Variants in CEMIP observed in about 807,000 individuals in gnomAD.
CEMIP encodes the protein cell migration-inducing and hyaluronan-binding protein.
In CEMIP, 105 loss-of-function variants were observed where a neutral mutation model predicts 156.9. That is an observed-to-expected ratio of 0.67 (90% CI 0.57 to 0.79). The LOEUF is 0.79. CEMIP is among the 30% of genes least tolerant of loss of function. The pLI, the probability that CEMIP is intolerant of heterozygous loss-of-function variation, is 0.00. For synonymous variants in CEMIP, 676 were observed against 668.4 expected (o/e 1.01, Z -0.17); for missense variants, 1,457 against 1,769.4 (o/e 0.82, Z 3.17).
At chr15:80,915,551 A>G (rs12904559) in intron 14 of CEMIP, among the ~76,000 whole-genome samples, 111,303 of 152,124 alleles carry the variant, frequency 0.73, 43,984 homozygotes, top group Non-Finnish European at 0.87. Context: ...TTTTACTGGT[A>G]GATTGGGGTA....
chr15:80,788,646 A>C (rs567027251), intron 1 of CEMIP, among the ~76,000 whole-genome samples: 4 of 152,340 alleles, frequency 2.6e-5, no homozygotes, highest in Admixed American at 2.0e-4. Context: ...CCTCAAACAT[A>C]GTGGCTAAGT....
intron 1 of CEMIP, among the ~76,000 whole-genome samples, chr15:80,869,574 C>T (rs1482574165): frequency 2.0e-5 from 3 of 152,282 alleles, no homozygotes; most frequent in South Asian, 2.1e-4. Flanking sequence ...GTCAATGGTA[C>T]CATCTCTTTA....
chr15:80,900,648 G>GTGTGTGTGTGTGTGTGT (rs1567090991), intron 12 of CEMIP, among the ~76,000 whole-genome samples: 1 of 111,856 alleles, frequency 8.9e-6, no homozygotes, highest in African/African-American at 3.3e-5. Context: ...GTGTGTGTGT[G>GTGTGTGTGTGTGTGTGT]TCTGTGTGTG....
At chr15:80,899,225 A>AAAAG (rs112037024) in intron 12 of CEMIP, among the ~76,000 whole-genome samples, 26,763 of 126,366 alleles carry the variant, frequency 0.21, 4,067 homozygotes, top group African/African-American at 0.41. Context: ...AAAAAAAAAA[A>AAAAG]AAAGAAAGAA....
chr15:80,795,271 G>A (rs1896190825), intron 1 of CEMIP, among the ~76,000 whole-genome samples: 1 of 152,066 alleles, frequency 6.6e-6, no homozygotes, highest in South Asian at 2.1e-4. Flanking sequence ...GGATCCCTCT[G>A]GCTGCTCTCT....
At chr15:80,918,590 G>T (rs917612801) in intron 14 of CEMIP, among the ~76,000 whole-genome samples, 1 of 152,206 alleles carries the variant, frequency 6.6e-6, no homozygotes, top group Non-Finnish European at 1.5e-5. Flanking sequence ...ATGGTGGCAG[G>T]TACTGAATAG....
At chr15:80,851,951 G>A (rs945866223) in intron 1 of CEMIP, among the ~76,000 whole-genome samples, 9 of 152,188 alleles carry the variant, frequency 5.9e-5, no homozygotes, top group African/African-American at 1.2e-4. Context: ...TGACCATCAG[G>A]AGGCCACCGT....
chr15:80,930,827 TC>T (rs1382228111), intron 21 of CEMIP, among the ~76,000 whole-genome samples: 10 of 152,142 alleles, frequency 6.6e-5, no homozygotes, highest in Non-Finnish European at 1.5e-4. Context: ...TCTTTTTCCA[TC>T]TTTCTATTTT....
intron 1 of CEMIP, among the ~76,000 whole-genome samples, chr15:80,787,152 C>T (rs942118172): frequency 2.6e-5 from 4 of 152,218 alleles, no homozygotes; most frequent in Non-Finnish European, 5.9e-5. Context: ...GGATAACACC[C>T]GAAGAGAGGC....
rs1226124686 is a variant in CEMIP at position 80,942,977 on chromosome 15, T to C, written c.3732T>C (p.Asp1244=). Reference sequence around the variant, plus strand: ...GGAAGAAGTACCCCAGTTCGGAGGATGGCATCCAGGTGGTGGTGATTGACG... The same window carrying C: ...GGAAGAAGTACCCCAGTTCGGAGGACGGCATCCAGGTGGTGGTGATTGACG... The part of the protein sequence containing the change: ...VDGKKYPSSE[D]GIQVVVIDGN... The change falls in exon 28 of 30, where the codon GAT becomes GAC. Residue 1244 remains aspartate, a synonymous_variant. Coordinates refer to ENST00000394685, the MANE Select transcript of CEMIP (RefSeq NM_001293298.2). 2 of 1,614,172 alleles carry C rather than the reference T, an allele frequency of 1.2e-6. No individual in the cohort carries two copies. Among genetic ancestry groups the C allele is most frequent in the Non-Finnish European group, 1.7e-6 (2 of 1,180,034 alleles).
Position 80,914,694 on chromosome 15 carries a change from T to C in CEMIP, c.1797+5388T>C, listed in dbSNP as rs148661236. On this transcript the variant is annotated intron_variant, in intron 14 of 29. Transcript: ENST00000394685. Reference sequence around the variant, plus strand: ...CCTCTTTCAGTTTCTTGAATTCACATTCTCAATTCTTGATTCATGTAGCTG... The same window carrying C: ...CCTCTTTCAGTTTCTTGAATTCACACTCTCAATTCTTGATTCATGTAGCTG... Among the ~76,000 whole-genome samples the C allele has an allele frequency of 6.6e-5, 10 of 152,354 alleles. No homozygotes were observed. In the East Asian group the frequency reaches 1.7e-3, roughly 27 times the overall value.
intron 1 of CEMIP, among the ~76,000 whole-genome samples, chr15:80,852,672 C>T (rs1368146777): frequency 6.6e-6 from 1 of 152,122 alleles, no homozygotes; most frequent in Non-Finnish European, 1.5e-5. Flanking sequence ...CATGTCCCAA[C>T]ATACTTTGAG....
At chr15:80,864,320 C>T (rs1304655717) in intron 1 of CEMIP, among the ~76,000 whole-genome samples, 1 of 152,230 alleles carries the variant, frequency 6.6e-6, no homozygotes, top group Non-Finnish European at 1.5e-5. Flanking sequence ...ATAAAGCCCT[C>T]TGTGGCAAGC....
chr15:80,908,975 A>T, intron 13 of CEMIP, 122 bp from the exon 14 acceptor site: 1 of 922,710 alleles, frequency 1.1e-6, no homozygotes, highest in Non-Finnish European at 1.7e-6. Flanking sequence ...TCTTTGATTT[A>T]CTGAGTACTA....
intron 10 of CEMIP, among the ~76,000 whole-genome samples, chr15:80,894,261 T>G (rs1227796309): frequency 6.6e-6 from 1 of 152,124 alleles, no homozygotes; most frequent in Non-Finnish European, 1.5e-5. Flanking sequence ...GGCTTAGAAG[T>G]GTTGTGATGT....
intron 1 of CEMIP, among the ~76,000 whole-genome samples, chr15:80,869,295 C>T (rs938749616): frequency 2.6e-5 from 4 of 152,124 alleles, no homozygotes; most frequent in Non-Finnish European, 5.9e-5. Context: ...ATAGGATTTC[C>T]ACATATGAAT....
Position 80,850,416 on chromosome 15 carries a change from A to G in CEMIP, c.-175-23122A>G, listed in dbSNP as rs116658888. ...CTCAGCCTCCCAAGTAGCCGGGATT[A>G]CAAACATGTGCCACCATGCCTAGCT... On this transcript the variant is annotated intron_variant, in intron 1 of 29. Transcript: ENST00000394685. 2.2e-3 allele frequency among the ~76,000 whole-genome samples: 332 copies of G among 152,284 alleles called. 1 individual carries two copies. The highest frequency in any genetic ancestry group is 7.5e-3 in the African/African-American group (311 of 41,554).
intron 7 of CEMIP, 36 bp downstream of exon 7, chr15:80,884,390 G>T: frequency 6.3e-7 from 1 of 1,599,972 alleles, no homozygotes. Flanking sequence ...CTGGGCTCTG[G>T]AACATTGAAG....
chr15:80,781,841 T>TA (rs1895806629), intron 1 of CEMIP, among the ~76,000 whole-genome samples: 2 of 152,218 alleles, frequency 1.3e-5, no homozygotes, highest in Non-Finnish European at 2.9e-5. Context: ...GAAATCGTTT[T>TA]AAATGGTAGC....
Sources: gnomAD v4.1 joint callset for allele counts (sites outside exome capture counted in the v4.1 genomes callset) on GRCh38, gnomAD v4.1.1 for gene constraint, MANE v1.5 for transcripts, NCBI Gene and HGNC (gene_info 2026-07-23, HGNC 2026-07-21) for gene names.